C11orf65: variants seen among roughly 807,000 people sequenced by gnomAD.
C11orf65 encodes chromosome 11 open reading frame 65, also known as protein MFI.
In C11orf65, 38 loss-of-function variants were observed where a neutral mutation model predicts 35.3. The observed-to-expected ratio is 1.08, with a 90% CI of 0.83 to 1.41. The LOEUF (loss-of-function observed/expected upper bound fraction) is 1.41. C11orf65 is among the 40% of genes most tolerant of loss of function. The probability of loss-of-function intolerance (pLI) is 0.00; values close to 1 mark genes in which losing one functional copy is unlikely to be tolerated. For missense variants in C11orf65, 370 were observed against 367.1 expected, an observed-to-expected ratio of 1.01 and a Z score of -0.06; for synonymous variants, 105 against 114.4, an observed-to-expected ratio of 0.92 and a Z score of 0.53.
At chr11:108,410,611 T>G (rs2092636532) in intron 3 of C11orf65, among the ~76,000 whole-genome samples, 1 of 152,084 alleles carries the variant, frequency 6.6e-6, no homozygotes, top group Admixed American at 6.6e-5. Context: ...CACCTTGGCT[T>G]CCCAAACTGC....
intron 2 of C11orf65, among the ~76,000 whole-genome samples, chr11:108,437,174 C>T (rs921116967): frequency 6.0e-5 from 9 of 150,558 alleles, no homozygotes; most frequent in African/African-American, 2.0e-4. Context: ...GAAGTCCTAG[C>T]TACTCAGTAG....
At chr11:108,445,108 A>G (rs1028161495) in intron 2 of C11orf65, among the ~76,000 whole-genome samples, 1 of 152,216 alleles carries the variant, frequency 6.6e-6, no homozygotes, top group Non-Finnish European at 1.5e-5. Context: ...GCAGCCGGGA[A>G]GCTCCAACTG....
At chr11:108,426,090 G>A (rs566750848) in intron 3 of C11orf65, among the ~76,000 whole-genome samples, 7 of 152,252 alleles carry the variant, frequency 4.6e-5, no homozygotes, top group African/African-American at 1.7e-4. Context: ...ACCGGTATAA[G>A]ACAAGGATGC....
At chr11:108,415,850 T>C (rs1296041853) in intron 3 of C11orf65, among the ~76,000 whole-genome samples, 2 of 152,038 alleles carry the variant, frequency 1.3e-5, no homozygotes, top group African/African-American at 4.8e-5. Flanking sequence ...AAAGGCAATT[T>C]AGTGACAAAA....
downstream of C11orf65, chr11:108,329,270 G>A (rs1340772119): frequency 6.4e-6 from 10 of 1,559,328 alleles, no homozygotes; most frequent in Middle Eastern, 1.7e-4. Context: ...ACAATTTTAT[G>A]TTCACCAGTT....
Position 108,430,254 on chromosome 11 carries a change from G to A in C11orf65, c.174+1492C>T, listed in dbSNP as rs545661570. On this transcript the variant is annotated intron_variant, in intron 3 of 8. Coordinates refer to ENST00000393084, the MANE Select transcript of C11orf65 (RefSeq NM_152587.5). Reference sequence around the variant, plus strand: ...TGCCATTCTCCTGCCTCAGCCTCCCGAGTAGCTGGGACTACAGGCACCTGC... The same window carrying A: ...TGCCATTCTCCTGCCTCAGCCTCCCAAGTAGCTGGGACTACAGGCACCTGC... Among the ~76,000 whole-genome samples, 186 of 148,574 alleles carry A rather than the reference G, an allele frequency of 1.3e-3. 1 individual carries two copies. The highest frequency in any genetic ancestry group is 2.2e-3 in the Non-Finnish European group (151 of 67,378).
intron 3 of C11orf65, chr11:108,332,729 C>T (rs762757009): frequency 1.2e-6 from 2 of 1,601,682 alleles, no homozygotes; most frequent in Non-Finnish European, 1.7e-6. Context: ...TTGGGTAGTT[C>T]CTTATGTAAT....
Position 108,414,047 on chromosome 11 carries a change from G to A in C11orf65, c.175-6898C>T, listed in dbSNP as rs975569555. Among the ~76,000 whole-genome samples, 10 of 151,804 alleles carry A rather than the reference G, an allele frequency of 6.6e-5. 1 individual carries two copies. Among genetic ancestry groups the A allele is most frequent in the South Asian group, 4.2e-4 (2 of 4,816 alleles). On this transcript the variant is annotated intron_variant, in intron 3 of 8. Coordinates refer to ENST00000393084, the MANE Select transcript of C11orf65 (RefSeq NM_152587.5). Reference sequence around the variant, plus strand: ...CAAATTAAATTCAAAGCAAGCAGACGAAAATAAATAATAAAGATTAGAGCA... The same window carrying A: ...CAAATTAAATTCAAAGCAAGCAGACAAAAATAAATAATAAAGATTAGAGCA...
At chr11:108,329,503 C>T (rs537861487), downstream of C11orf65, among the ~76,000 whole-genome samples, 10 of 152,162 alleles carry the variant, frequency 6.6e-5, no homozygotes, top group African/African-American at 2.4e-4. Flanking sequence ...CAACCTCGAC[C>T]TCCTGGACTC....
rs1344780888 is a variant in C11orf65, at chr11:108,400,462, C to T, written c.560+4967G>A. On this transcript the variant is annotated intron_variant, in intron 6 of 8. Coordinates refer to ENST00000393084, the MANE Select transcript of C11orf65 (RefSeq NM_152587.5). ...TGTTCTATGGAAACAGATGTACAAG[C>T]CCCTGGGGACAAGAGCAGGAAAGGT... is the stretch of plus-strand genomic sequence containing the variant. Among the ~76,000 whole-genome samples the T allele has an allele frequency of 5.3e-5, 8 of 152,258 alleles. No individual in the cohort carries two copies. In the South Asian group the frequency reaches 1.7e-3, roughly 32 times the overall value.
At chr11:108,369,154 C>T (rs557521215) in intron 2 of C11orf65, 10 of 158,754 alleles carry the variant, frequency 6.3e-5, no homozygotes, top group African/African-American at 2.4e-4. Context: ...GTGTGCCAGG[C>T]ATGGGACTCG....
intron 3 of C11orf65, among the ~76,000 whole-genome samples, chr11:108,333,282 T>C (rs2086479149): frequency 6.6e-6 from 1 of 152,198 alleles, no homozygotes; most frequent in Admixed American, 6.5e-5. Context: ...AAAAAAAGGC[T>C]TTACCATTTC....
intron 2 of C11orf65, among the ~76,000 whole-genome samples, chr11:108,373,908 G>A (rs1430141372): frequency 1.3e-5 from 2 of 152,204 alleles, no homozygotes; most frequent in Non-Finnish European, 2.9e-5. Flanking sequence ...TACGCCCACG[G>A]AGTCTTGCTG....
intron 2 of C11orf65, among the ~76,000 whole-genome samples, chr11:108,363,752 ATTT>A (rs768990123): frequency 1.3e-5 from 2 of 152,090 alleles, no homozygotes; most frequent in Non-Finnish European, 2.9e-5. Context: ...CTGAAACATA[ATTT>A]TTTACTTATT....
intron 6 of C11orf65, among the ~76,000 whole-genome samples, chr11:108,315,235 A>G (rs1169851382): frequency 2.0e-5 from 3 of 152,226 alleles, no homozygotes; most frequent in Non-Finnish European, 4.4e-5. Flanking sequence ...GTAGCAACTG[A>G]GGTAGCTGCA....
In C11orf65 at chr11:108,316,094, G is replaced by T. The variant is rs376521407; in HGVS notation, c.641-7023C>A. ...GAAACAGCAATCCCCTCATCAACAC[G>T]CCAGGCAGGAATCATTCAGGTACAT... On this transcript the variant is annotated intron_variant, in intron 6 of 6. Coordinates refer to the C11orf65 transcript ENST00000525729. 2 of 1,613,980 alleles carry T rather than the reference G, an allele frequency of 1.2e-6. No homozygotes were observed. Among genetic ancestry groups the T allele is most frequent in the East Asian group, 4.5e-5 (2 of 44,868 alleles).
At chr11:108,442,827 A>T (rs968853955) in intron 2 of C11orf65, among the ~76,000 whole-genome samples, 12 of 152,322 alleles carry the variant, frequency 7.9e-5, no homozygotes, top group Non-Finnish European at 1.5e-4. Flanking sequence ...TGAAGGAAGC[A>T]CTAAACATGG....
At chr11:108,363,655 G>A (rs1050296162) in intron 2 of C11orf65, among the ~76,000 whole-genome samples, 1 of 152,166 alleles carries the variant, frequency 6.6e-6, no homozygotes, top group African/African-American at 2.4e-5. Flanking sequence ...CATCCAAAAT[G>A]ACAATAGTGC....
intron 2 of C11orf65, among the ~76,000 whole-genome samples, chr11:108,375,881 A>C (rs368040451): frequency 6.6e-6 from 1 of 152,102 alleles, no homozygotes; most frequent in Non-Finnish European, 1.5e-5. Context: ...GATCAAAAGA[A>C]ACAAAGAAGG....
Sources: allele counts gnomAD v4.1 joint callset (sites outside exome capture counted in the v4.1 genomes callset), GRCh38; gene constraint gnomAD v4.1.1; transcripts MANE v1.5; gene names NCBI Gene and HGNC (gene_info 2026-07-23, HGNC 2026-07-21).